PCDHA6: variants seen among roughly 807,000 people sequenced by gnomAD.
PCDHA6 encodes protocadherin alpha-6.
Under a neutral mutation model 60.3 loss-of-function variants are expected in PCDHA6, and 55 were observed. That is an observed-to-expected ratio of 0.91 (90% CI 0.73 to 1.14). The LOEUF (loss-of-function observed/expected upper bound fraction) is 1.14. Ranked by LOEUF, PCDHA6 falls within the 50% of genes most tolerant of loss-of-function variation. The pLI is 0.00. For missense variants in PCDHA6, 1,327 were observed against 1,256.5 expected, an observed-to-expected ratio of 1.06 and a Z score of -0.85; for synonymous variants, 652 against 557.9, an observed-to-expected ratio of 1.17 and a Z score of -2.38.
chr5:140,836,602 T>C lies in PCDHA6; in HGVS notation c.2394+6117T>C, dbSNP rs2150265229. The C allele has an allele frequency of 3.1e-6, 5 of 1,613,586 alleles. No individual in the cohort carries two copies. The Admixed American group carries it at 5.0e-5, about 16-fold the overall frequency. On this transcript the variant is annotated intron_variant, in intron 1 of 3. Coordinates refer to ENST00000529310, the MANE Select transcript of PCDHA6 (RefSeq NM_018909.4). ...TGTAGTTTGGTAAAGCCCACTCTGGTGTGCTCCAGCGCGGTGGGGAGCTGG... is the reference window on the plus strand; with the variant it reads ...TGTAGTTTGGTAAAGCCCACTCTGGCGTGCTCCAGCGCGGTGGGGAGCTGG...
intron 1 of PCDHA6, chr5:140,927,139 C>T: frequency 6.2e-7 from 1 of 1,614,046 alleles, no homozygotes; most frequent in Non-Finnish European, 8.5e-7. Context: ...GCCGGCGGAC[C>T]GCGAACAGCT....
intron 1 of PCDHA6, among the ~76,000 whole-genome samples, chr5:140,937,927 A>T (rs1376744977): frequency 1.3e-5 from 2 of 149,332 alleles, no homozygotes; most frequent in East Asian, 2.0e-4. Context: ...AAAAAAAAAA[A>T]GTTTAATTTG....
At chr5:140,890,533 T>C (rs2062686259) in intron 1 of PCDHA6, among the ~76,000 whole-genome samples, 1 of 152,234 alleles carries the variant, frequency 6.6e-6, no homozygotes, top group South Asian at 2.1e-4. Context: ...TTGATCTTCT[T>C]TTGAAATGAC....
rs1276562311 is a variant in PCDHA6, at chr5:140,851,314, C to T, written c.2394+20829C>T. ...AGCAAAAATATATAGCAATTGTTAC[C>T]TTGTTAAGTTTGTAGTTCTCTACAT... On this transcript the variant is annotated intron_variant, in intron 1 of 3. Transcript: ENST00000529310. The T allele has an allele frequency of 2.6e-5, 26 of 997,988 alleles. 4 individuals carry two copies. Among genetic ancestry groups the T allele is most frequent in the Non-Finnish European group, 2.6e-5 (21 of 813,766 alleles). The allele number at this position is 997,988 out of a possible 1,614,324, so 61.8% of individuals were successfully genotyped here.
rs1305629436 is a variant in PCDHA6, at chr5:140,829,486, G to A, written c.1395G>A (p.Lys465=). 3 of 1,613,648 alleles carry A rather than the reference G, an allele frequency of 1.9e-6. No individual in the cohort carries two copies. Among genetic ancestry groups the A allele is most frequent in the Non-Finnish European group, 2.5e-6 (3 of 1,180,002 alleles). The change falls in exon 1 of 4, where the codon AAG becomes AAA. Residue 465 remains lysine, a synonymous_variant. Coordinates refer to ENST00000529310, the MANE Select transcript of PCDHA6 (RefSeq NM_018909.4). ...FAQPEYTVFV[K]ENNPPGCHIF... ...AGCCCGAGTACACAGTGTTCGTGAA[G>A]GAGAACAACCCGCCGGGCTGCCACA...
chr5:140,858,100 C>T lies in PCDHA6; in HGVS notation c.2394+27615C>T, dbSNP rs368579908. ...AGGCCTCGTCGCGGGCTTCAGTGGG[C>T]GTGGCGCCCGAGGTGGCCCTGGTGG... On this transcript the variant is annotated intron_variant, in intron 1 of 3. Coordinates refer to ENST00000529310, the MANE Select transcript of PCDHA6 (RefSeq NM_018909.4). 202 of 1,597,586 alleles carry T rather than the reference C, an allele frequency of 1.3e-4. 22 individuals are homozygous for T. The highest frequency in any genetic ancestry group is 1.7e-4 in the Non-Finnish European group (196 of 1,167,684).
intron 1 of PCDHA6, chr5:140,836,407 C>A: frequency 6.2e-7 from 1 of 1,613,770 alleles, no homozygotes; most frequent in Non-Finnish European, 8.5e-7. Context: ...AGCGGCCAGG[C>A]ACCAAAGGCG....
At chr5:140,926,974 G>C (rs145276602) in intron 1 of PCDHA6, 2 of 1,610,140 alleles carry the variant, frequency 1.2e-6, no homozygotes, top group East Asian at 2.2e-5. Context: ...CTCAGTGCCG[G>C]AGGAGACGGA....
At chr5:140,837,472 C>T (rs1775069737) in intron 1 of PCDHA6, among the ~76,000 whole-genome samples, 1 of 151,298 alleles carries the variant, frequency 6.6e-6, no homozygotes, top group South Asian at 2.1e-4. Flanking sequence ...CTCCTCAAAC[C>T]CCAAACCATT....
At chr5:140,841,349 G>T in intron 1 of PCDHA6, 1 of 1,612,780 alleles carries the variant, frequency 6.2e-7, no homozygotes, top group Non-Finnish European at 8.5e-7. Flanking sequence ...AGGAGAGCTG[G>T]GATCCTGGCG....
At chr5:140,931,460 G>GA (rs3836748) in intron 1 of PCDHA6, among the ~76,000 whole-genome samples, 48,962 of 151,596 alleles carry the variant, frequency 0.32, 8,170 homozygotes, top group East Asian at 0.53. Flanking sequence ...AAAAATATAG[G>GA]AATGACAGAG....
chr5:140,901,268 T>C (rs185427298), intron 1 of PCDHA6, among the ~76,000 whole-genome samples: 57 of 152,328 alleles, frequency 3.7e-4, no homozygotes, highest in African/African-American at 1.3e-3. Context: ...TGTGGGGTAT[T>C]ACTCAAGAAA....
At chr5:140,976,316 C>T (rs1336395893) in intron 1 of PCDHA6, among the ~76,000 whole-genome samples, 17 of 152,002 alleles carry the variant, frequency 1.1e-4, no homozygotes, top group Admixed American at 1.0e-3. Context: ...TTTGGGAGGC[C>T]GAGGAGGGTG....
chr5:140,842,993 G>A (rs2150349485), intron 1 of PCDHA6: 1 of 1,595,046 alleles, frequency 6.3e-7, no homozygotes. Context: ...CGTGCTGGAC[G>A]AGAATGACAA....
intron 1 of PCDHA6, chr5:140,843,223 T>G (rs1296347203): frequency 6.3e-7 from 1 of 1,595,904 alleles, no homozygotes; most frequent in Non-Finnish European, 8.6e-7. Flanking sequence ...TCAGCACCAC[T>G]CGTGTCCTGG....
intron 1 of PCDHA6, chr5:140,851,860 A>T (rs1213709274): frequency 2.1e-6 from 2 of 974,300 alleles, no homozygotes; most frequent in African/African-American, 3.5e-5. Context: ...CTCAGCTCAT[A>T]CATAACACAA....
intron 1 of PCDHA6, chr5:140,858,619 C>T: frequency 8.6e-7 from 1 of 1,161,702 alleles, no homozygotes; most frequent in Non-Finnish European, 1.2e-6. Context: ...TTTATCCTAC[C>T]CAGTGTGTCA....
At chr5:140,841,317 T>A in intron 1 of PCDHA6, 1 of 1,600,298 alleles carries the variant, frequency 6.2e-7, no homozygotes, top group Non-Finnish European at 8.5e-7. Flanking sequence ...AAACGACTAT[T>A]TAACATGGAT....
At chr5:140,841,195 T>A (rs1777082025) in intron 1 of PCDHA6, 13 of 1,267,354 alleles carry the variant, frequency 1.0e-5, no homozygotes, top group Non-Finnish European at 1.4e-5. Context: ...GTCTTTTCTC[T>A]GACAGCATCT....
Sources: allele counts gnomAD v4.1 joint callset (sites outside exome capture counted in the v4.1 genomes callset), GRCh38; gene constraint gnomAD v4.1.1; transcripts MANE v1.5; gene names NCBI Gene and HGNC (gene_info 2026-07-23, HGNC 2026-07-21).